Variants in DLG2 observed in about 807,000 individuals in gnomAD.
DLG2 encodes the protein discs large MAGUK scaffold protein 2.
Under a neutral mutation model 132.5 loss-of-function variants are expected in DLG2, and 45 were observed. The ratio of observed to expected loss-of-function variants is 0.34; its 90% CI spans 0.27 to 0.44. The LOEUF (loss-of-function observed/expected upper bound fraction) is 0.44. DLG2 is among the 20% of genes least tolerant of loss of function. The pLI is 1.00. For synonymous variants in DLG2, 424 were observed against 419.6 expected, an observed-to-expected ratio of 1.01 and a Z score of -0.13; for missense variants, 1,045 against 1,196.9, an observed-to-expected ratio of 0.87 and a Z score of 1.87.
At chr11:84,330,472 G>A (rs939345769) in intron 7 of DLG2, among the ~76,000 whole-genome samples, 1 of 152,166 alleles carries the variant, frequency 6.6e-6, no homozygotes, top group Non-Finnish European at 1.5e-5. Context: ...GAAAGATTCT[G>A]TAGTTTTCCC....
At chr11:85,575,614 A>G (rs1223107183) in intron 3 of DLG2, among the ~76,000 whole-genome samples, 1 of 151,738 alleles carries the variant, frequency 6.6e-6, no homozygotes, top group African/African-American at 2.4e-5. Flanking sequence ...ATCTGGGCAT[A>G]CTACTACCTT....
At chr11:83,778,759 A>G (rs778570557) in intron 18 of DLG2, among the ~76,000 whole-genome samples, 39 of 152,134 alleles carry the variant, frequency 2.6e-4, no homozygotes, top group Non-Finnish European at 4.0e-4. Flanking sequence ...GGTATGCAGC[A>G]TGATTAATTA....
At chr11:83,909,197 T>A (rs981981004) in intron 15 of DLG2, among the ~76,000 whole-genome samples, 1 of 152,216 alleles carries the variant, frequency 6.6e-6, no homozygotes, top group Non-Finnish European at 1.5e-5. Flanking sequence ...ACCCTTGTTC[T>A]AGTAGGGCAT....
chr11:83,794,880 C>T (rs902207648), intron 17 of DLG2, among the ~76,000 whole-genome samples: 1 of 152,118 alleles, frequency 6.6e-6, no homozygotes, highest in Non-Finnish European at 1.5e-5. Flanking sequence ...GATTCTAGTT[C>T]TGAAACCTGT....
At chr11:83,464,886 T>G (rs1465430834) in intron 26 of DLG2, among the ~76,000 whole-genome samples, 1 of 152,244 alleles carries the variant, frequency 6.6e-6, no homozygotes, top group Non-Finnish European at 1.5e-5. Context: ...AAGTAAGGAC[T>G]ATTTTTCTTC....
intron 6 of DLG2, among the ~76,000 whole-genome samples, chr11:85,087,435 G>A (rs1047725984): frequency 3.9e-5 from 6 of 152,206 alleles, no homozygotes; most frequent in African/African-American, 1.4e-4. Context: ...GACAGTGATG[G>A]CCAAAGCCCT....
At chr11:85,213,895 G>A (rs896762286) in intron 4 of DLG2, among the ~76,000 whole-genome samples, 2 of 152,128 alleles carry the variant, frequency 1.3e-5, no homozygotes, top group Admixed American at 6.6e-5. Context: ...TAGACAGAAG[G>A]TGATAGTACA....
At chr11:84,839,537 A>T (rs949804584) in intron 6 of DLG2, among the ~76,000 whole-genome samples, 1 of 152,098 alleles carries the variant, frequency 6.6e-6, no homozygotes, top group East Asian at 1.9e-4. Context: ...CATTGCCAAG[A>T]CAATCCTAAG....
In DLG2 at chr11:85,529,994, T is replaced by TTG. The variant is rs1555173994; in HGVS notation, c.40+68662_40+68663insCA. On this transcript the variant is annotated intron_variant, in intron 3 of 27. Coordinates refer to ENST00000376104, the MANE Select transcript of DLG2 (RefSeq NM_001142699.3). ...TCTGCCTAGAGAGGGTTTGTTTTTT[T>TTG]TTTTTTTTTTTTGAGGTGGAGTTTG... Among the ~76,000 whole-genome samples, 5 of 149,258 alleles carry TTG rather than the reference T, an allele frequency of 3.3e-5. No homozygotes were observed. In the East Asian group the frequency reaches 9.8e-4, roughly 29 times the overall value.
At chr11:84,016,641 T>G (rs2095205063) in intron 11 of DLG2, among the ~76,000 whole-genome samples, 1 of 152,190 alleles carries the variant, frequency 6.6e-6, no homozygotes, top group Non-Finnish European at 1.5e-5. Context: ...GTCAGGTTTG[T>G]TGATGATCAG....
At chr11:84,657,574 A>G (rs981378238) in intron 6 of DLG2, among the ~76,000 whole-genome samples, 1 of 152,178 alleles carries the variant, frequency 6.6e-6, no homozygotes, top group African/African-American at 2.4e-5. Context: ...ACCTCAGATC[A>G]TCAGGCATTA....
intron 6 of DLG2, among the ~76,000 whole-genome samples, chr11:85,086,787 T>C (rs2067987087): frequency 6.6e-6 from 1 of 152,208 alleles, no homozygotes; most frequent in African/African-American, 2.4e-5. Flanking sequence ...TTCAATTAAT[T>C]GACTACGGCA....
chr11:84,851,612 T>C (rs931059945), intron 6 of DLG2, among the ~76,000 whole-genome samples: 4 of 152,096 alleles, frequency 2.6e-5, no homozygotes, highest in Non-Finnish European at 4.4e-5. Flanking sequence ...AGCAGTAAGA[T>C]GTAAACTCAT....
At chr11:84,373,081 A>T (rs1018235484) in intron 7 of DLG2, among the ~76,000 whole-genome samples, 35 of 151,928 alleles carry the variant, frequency 2.3e-4, no homozygotes, top group Non-Finnish European at 4.3e-4. Flanking sequence ...GAGAGGCAAG[A>T]GAAGAGAGGA....
At chr11:85,003,879 A>G (rs183172679) in intron 6 of DLG2, among the ~76,000 whole-genome samples, 185 of 152,032 alleles carry the variant, frequency 1.2e-3, no homozygotes, top group African/African-American at 4.3e-3. Flanking sequence ...TCTAGGACTC[A>G]CCCCTGACAG....
chr11:85,518,640 A>T (rs2094216169), intron 3 of DLG2, among the ~76,000 whole-genome samples: 2 of 152,228 alleles, frequency 1.3e-5, no homozygotes, highest in South Asian at 4.1e-4. Context: ...GGATAAATTC[A>T]AGCTGACTGC....
Position 85,390,081 on chromosome 11 carries a change from C to T in DLG2, c.41-104716G>A, listed in dbSNP as rs538999577. Among the ~76,000 whole-genome samples, 12 of 152,064 alleles carry T rather than the reference C, an allele frequency of 7.9e-5. 1 individual carries two copies. The highest frequency in any genetic ancestry group is 2.9e-4 in the African/African-American group (12 of 41,514). ...ACAAAATGGCAGAATAATAACTCACCAACCAAGTATCTGCTGTCTTCAAGA... is the reference window on the plus strand; with the variant it reads ...ACAAAATGGCAGAATAATAACTCACTAACCAAGTATCTGCTGTCTTCAAGA... On this transcript the variant is annotated intron_variant, in intron 3 of 27. Coordinates refer to ENST00000376104, the MANE Select transcript of DLG2 (RefSeq NM_001142699.3).
intron 6 of DLG2, among the ~76,000 whole-genome samples, chr11:84,662,751 C>A (rs1396953015): frequency 3.5e-5 from 5 of 143,800 alleles, no homozygotes; most frequent in African/African-American, 1.3e-4. Flanking sequence ...TAAGCCACTG[C>A]ACTCCAGCCT....
At chr11:83,942,885 G>A (rs142024910) in intron 14 of DLG2, among the ~76,000 whole-genome samples, 5,053 of 152,330 alleles carry the variant, frequency 0.033, 135 homozygotes, top group East Asian at 0.15. Flanking sequence ...TGGTTTGGCT[G>A]TGTCCCCAAC....
Sources: allele counts gnomAD v4.1 joint callset (sites outside exome capture counted in the v4.1 genomes callset), GRCh38; gene constraint gnomAD v4.1.1; transcripts MANE v1.5; gene names NCBI Gene and HGNC (gene_info 2026-07-23, HGNC 2026-07-21).